Variants in PHKA1 observed in about 807,000 individuals in gnomAD.
PHKA1 encodes the protein phosphorylase kinase regulatory subunit alpha 1.
A neutral mutation model predicts 110.2 loss-of-function variants in PHKA1; 60 were observed. That is an observed-to-expected ratio of 0.54 (90% CI 0.44 to 0.68). The LOEUF is 0.68. Among genes scored for constraint, PHKA1 ranks in the 30% least tolerant of loss-of-function variants. The pLI, the probability that PHKA1 is intolerant of heterozygous loss-of-function variation, is 0.00. For missense variants in PHKA1, 801 were observed against 942.5 expected (o/e 0.85, Z 1.97); for synonymous variants, 316 against 333.6 (o/e 0.95, Z 0.58).
rs1556333790 is a variant in PHKA1 at position 72,709,913 on chromosome X, C to T, written c.237+2866G>A. On this transcript the variant is annotated intron_variant, in intron 2 of 31. Coordinates refer to ENST00000373542, the MANE Select transcript of PHKA1 (RefSeq NM_002637.4). ...AAAAAATTAGCCGGGTGTGGTGGTG[C>T]ACGCCTGTGATCCCAGCTACTGTGA... is the stretch of plus-strand genomic sequence containing the variant. Among the ~76,000 whole-genome samples the T allele has an allele frequency of 2.8e-5, 3 of 108,602 alleles. 1 individual carries two copies. The highest frequency in any genetic ancestry group is 2.0e-4 in the Admixed American group (2 of 10,093). 94.3% of individuals were successfully genotyped at this position (108,602 alleles called of 115,157 possible).
chrX:72,633,405 A>T (rs1341404123), intron 16 of PHKA1, among the ~76,000 whole-genome samples: 2 of 111,503 alleles, frequency 1.8e-5, no homozygotes, highest in Non-Finnish European at 3.8e-5. Context: ...TTAGAAGGAG[A>T]GACTTCAGGT....
intron 12 of PHKA1, among the ~76,000 whole-genome samples, chrX:72,651,195 T>G (rs2053424612): frequency 9.0e-6 from 1 of 111,573 alleles, no homozygotes; most frequent in South Asian, 3.8e-4. Context: ...TGACTTGAGT[T>G]TCTGCCCTTT....
chrX:72,647,127 C>T (rs782705072), intron 13 of PHKA1, among the ~76,000 whole-genome samples: 17 of 104,268 alleles, frequency 1.6e-4, no homozygotes, highest in Non-Finnish European at 2.9e-4. Flanking sequence ...GTGACTCCAT[C>T]TCAAAAAAAA....
intron 21 of PHKA1, 143 bp from the exon 22 acceptor site, chrX:72,611,327 A>G: frequency 5.9e-6 from 3 of 509,830 alleles, no homozygotes; most frequent in Non-Finnish European, 1.0e-5. Flanking sequence ...GAATCCTTAT[A>G]AAACTATGAT....
intron 21 of PHKA1, among the ~76,000 whole-genome samples, chrX:72,617,294 A>C (rs2052911988): frequency 9.0e-6 from 1 of 111,616 alleles, no homozygotes; most frequent in Non-Finnish European, 1.9e-5. Flanking sequence ...CAAATAAATA[A>C]AATGAGAGAT....
In PHKA1 at chrX:72,609,743, C is replaced by T. The variant is rs782448808; in HGVS notation, c.2527-40G>A. On this transcript the variant is annotated intron_variant, in intron 22 of 31. Transcript: ENST00000373542. ...CATAATATTATCGTTTCTGTAACAC[C>T]TCAGGTTTCCACAAACATTTCTCTT... 9.4e-6 allele frequency: 9 copies of T among 960,473 alleles called. No homozygotes were observed. The South Asian group carries it at 1.4e-4, about 14-fold the overall frequency. 79.2% of individuals were successfully genotyped at this position (960,473 alleles called of 1,213,427 possible).
At chrX:72,662,755 G>A (rs2053575033) in intron 8 of PHKA1, among the ~76,000 whole-genome samples, 1 of 111,683 alleles carries the variant, frequency 9.0e-6, no homozygotes, top group Non-Finnish European at 1.9e-5. Flanking sequence ...AACTCCTGCA[G>A]CCTAGGCCAT....
Position 72,603,147 on chromosome X carries a change from G to A in PHKA1, c.2889C>T (p.Ser963=). The A allele has an allele frequency of 5.0e-6, 6 of 1,204,608 alleles. No homozygotes were observed. Among genetic ancestry groups the A allele is most frequent in the South Asian group, 1.8e-5 (1 of 56,699 alleles). ...TTCGTTCCACTCCAAACTCCTTGCC[G>A]CTGAGAATGTGATGCAGGAGATTCT... ...AMKNLLHHIL[S]GKEFGVERSV... is the part of the protein sequence containing the mutation. The change falls in exon 26 of 32, where the codon AGC becomes AGT. Residue 963 remains serine (S), a synonymous_variant. Transcript: ENST00000373542.
chrX:72,588,343 G>A (rs1215015344), intron 29 of PHKA1, among the ~76,000 whole-genome samples: 5 of 111,925 alleles, frequency 4.5e-5, no homozygotes, highest in African/African-American at 1.3e-4. Context: ...GGTACATAAC[G>A]AAATGACGGC....
intron 16 of PHKA1, among the ~76,000 whole-genome samples, chrX:72,629,780 G>A (rs2053138310): frequency 9.1e-6 from 1 of 110,440 alleles, no homozygotes; most frequent in Non-Finnish European, 1.9e-5. Flanking sequence ...ACCTATACTG[G>A]GTTTGACTGT....
intron 6 of PHKA1, among the ~76,000 whole-genome samples, chrX:72,672,916 A>T (rs782817283): frequency 8.9e-5 from 10 of 111,953 alleles, no homozygotes; most frequent in Non-Finnish European, 1.5e-4. Context: ...TATCACACAA[A>T]ATCAAATCGA....
At chrX:72,587,537 A>C (rs1356723948) in intron 29 of PHKA1, among the ~76,000 whole-genome samples, 2 of 111,733 alleles carry the variant, frequency 1.8e-5, no homozygotes, top group African/African-American at 3.3e-5. Flanking sequence ...AACGAGCAAA[A>C]TCACTAGCTA....
intron 16 of PHKA1, among the ~76,000 whole-genome samples, chrX:72,627,886 C>T (rs1416183537): frequency 1.0e-5 from 1 of 98,753 alleles, no homozygotes; most frequent in African/African-American, 3.9e-5. Context: ...GGCTTGATCT[C>T]GGCTCACTGC....
chrX:72,691,094 A>G (rs2054032966), intron 4 of PHKA1, among the ~76,000 whole-genome samples: 2 of 112,993 alleles, frequency 1.8e-5, no homozygotes, highest in South Asian at 7.3e-4. Flanking sequence ...ATATGGTGTG[A>G]GGAAGAAGTC....
chrX:72,659,274 T>C (rs2053532862), intron 8 of PHKA1, among the ~76,000 whole-genome samples: 1 of 111,619 alleles, frequency 9.0e-6, no homozygotes, highest in Non-Finnish European at 1.9e-5. Flanking sequence ...TGTGTTCCTT[T>C]GACATGTTCC....
At chrX:72,682,157 A>C (rs1603270798) in intron 5 of PHKA1, among the ~76,000 whole-genome samples, 1 of 64,767 alleles carries the variant, frequency 1.5e-5, no homozygotes, top group African/African-American at 5.7e-5. Context: ...CCTACTGGGA[A>C]GTGAGGAGCC....
intron 29 of PHKA1, among the ~76,000 whole-genome samples, chrX:72,591,354 C>A (rs1449231068): frequency 9.0e-6 from 1 of 110,508 alleles, no homozygotes; most frequent in Non-Finnish European, 1.9e-5. Context: ...TAGGTGGGAA[C>A]TGAACAATGA....
intron 28 of PHKA1, among the ~76,000 whole-genome samples, chrX:72,599,382 G>A (rs1257564893): frequency 9.0e-6 from 1 of 111,272 alleles, no homozygotes; most frequent in Non-Finnish European, 1.9e-5. Flanking sequence ...CATCCATTTT[G>A]TTCACAGTGC....
At chrX:72,621,927 C>T (rs782703114) in intron 18 of PHKA1, 8 of 745,495 alleles carry the variant, frequency 1.1e-5, no homozygotes, top group Admixed American at 8.8e-5. Context: ...TTCAGTAACA[C>T]GTATCATTAG....
Sources: gnomAD v4.1 joint callset for allele counts (sites outside exome capture counted in the v4.1 genomes callset) on GRCh38, gnomAD v4.1.1 for gene constraint, MANE v1.5 for transcripts, NCBI Gene and HGNC (gene_info 2026-07-23, HGNC 2026-07-21) for gene names.